ELL: variants seen among roughly 807,000 people sequenced by gnomAD.
ELL encodes the protein elongation factor for RNA polymerase II, also known as RNA polymerase II elongation factor ELL.
In ELL, 18 loss-of-function variants were observed where a neutral mutation model predicts 64.0. The observed-to-expected ratio is 0.28, with a 90% CI of 0.19 to 0.42. The LOEUF is 0.42. Ranked by LOEUF, ELL falls within the 10% of genes least tolerant of loss-of-function variation. The pLI is 1.00. For missense variants in ELL, 797 were observed against 870.4 expected, an observed-to-expected ratio of 0.92 and a Z score of 1.06; for synonymous variants, 399 against 376.2, an observed-to-expected ratio of 1.06 and a Z score of -0.70.
intron 9 of ELL, 77 bp from the exon 10 acceptor site, chr19:18,446,557 C>T: frequency 6.4e-7 from 1 of 1,554,048 alleles, no homozygotes; most frequent in Non-Finnish European, 8.7e-7. Flanking sequence ...ATCCTGGCTC[C>T]ACCGGCGGCC....
At chr19:18,488,184 G>C (rs1029455708) in intron 1 of ELL, among the ~76,000 whole-genome samples, 1 of 152,204 alleles carries the variant, frequency 6.6e-6, no homozygotes, top group Non-Finnish European at 1.5e-5. Context: ...CTCACAAAAG[G>C]ATCGGCCCTG....
rs940922320 is a variant in ELL at position 18,445,419 on chromosome 19, G to T, written c.1705-151C>A. ...AAGTAACACCCCAGGGGCCCACAGCGGCTGTAGCTCCGGAGTGGGTGGGGC... is the reference window on the plus strand; with the variant it reads ...AAGTAACACCCCAGGGGCCCACAGCTGCTGTAGCTCCGGAGTGGGTGGGGC... On this transcript the variant is annotated intron_variant, in intron 10 of 11. Coordinates refer to ENST00000262809, the MANE Select transcript of ELL (RefSeq NM_006532.4). 8 of 803,918 alleles carry T rather than the reference G, an allele frequency of 1.0e-5. No individual in the cohort carries two copies. In the Admixed American group the frequency reaches 1.4e-4, roughly 14 times the overall value. 49.8% of individuals were successfully genotyped at this position (803,918 alleles called of 1,614,324 possible). A position where few individuals can be genotyped will look rare whatever the true frequency, so the allele number is the denominator to read the frequency against.
chr19:18,451,016 T>A (rs1974520239), intron 7 of ELL, 41 bp from the exon 8 acceptor site: 1 of 1,484,268 alleles, frequency 6.7e-7, no homozygotes, highest in African/African-American at 1.4e-5. Context: ...GAGCACAGAG[T>A]GGCTGAGCAG....
chr19:18,450,999 TA>T (rs1974519326), intron 7 of ELL, 24 bp from the exon 8 acceptor site: 1 of 1,507,820 alleles, frequency 6.6e-7, no homozygotes, highest in African/African-American at 1.4e-5. Flanking sequence ...GAGATCATTT[TA>T]GAGGGGAGCA....
At chr19:18,457,787 C>T (rs998978660) in intron 6 of ELL, among the ~76,000 whole-genome samples, 1 of 152,136 alleles carries the variant, frequency 6.6e-6, no homozygotes, top group Non-Finnish European at 1.5e-5. Context: ...CCGGGAGTGT[C>T]GTTTGGCCTT....
intron 3 of ELL, 76 bp downstream of exon 3, chr19:18,465,721 A>AT (rs1974919709): frequency 3.5e-6 from 5 of 1,445,438 alleles, no homozygotes; most frequent in Non-Finnish European, 4.6e-6. Flanking sequence ...AATGGGGCAC[A>AT]TCTCAACCCT....
chr19:18,444,760 A>C lies in ELL; in HGVS notation c.1858T>G (p.Trp620Gly). The change falls in exon 12 of 12, where the codon TGG (tryptophan) becomes GGG (glycine). Residue 620 changes from tryptophan to glycine, a missense_variant. By Grantham distance (184) the Trp-to-Gly change is radical. Transcript: ENST00000262809. ...GCCATCGGGGAGGGCGGCTAGGGCC[A>C]AGCCTGCAGCTGCCGCTGGTCGTAC... is the stretch of plus-strand genomic sequence containing the variant. ...AEYDQRQLQAWP is the reference protein window; with the variant it reads ...AEYDQRQLQAGP 1.2e-6 allele frequency: 2 copies of C among 1,603,788 alleles called. No homozygotes were observed. The highest frequency in any genetic ancestry group is 1.1e-5 in the South Asian group (1 of 90,956).
intron 11 of ELL, 52 bp from the exon 12 acceptor site, chr19:18,444,920 C>G: frequency 6.4e-7 from 1 of 1,554,092 alleles, no homozygotes; most frequent in Non-Finnish European, 8.7e-7. Flanking sequence ...GGTGCTGCTC[C>G]CCGCTGTAAG....
intron 1 of ELL, among the ~76,000 whole-genome samples, chr19:18,489,092 G>A (rs1334642313): frequency 1.3e-5 from 2 of 152,170 alleles, no homozygotes; most frequent in South Asian, 2.1e-4. Context: ...TTTACAGAAC[G>A]TTTTGTCACC....
rs545274267 is a variant in ELL, at chr19:18,490,695, C to T, written c.136-17813G>A. Among the ~76,000 whole-genome samples the T allele has an allele frequency of 3.3e-5, 5 of 152,310 alleles. No homozygotes were observed. In the South Asian group the frequency reaches 1.0e-3, roughly 32 times the overall value. On this transcript the variant is annotated intron_variant, in intron 1 of 11. Coordinates refer to ENST00000262809, the MANE Select transcript of ELL (RefSeq NM_006532.4). ...AGTGACCACGGCCCTCGGAAGGCAT[C>T]CCACCCTCATCAGCCGTGAGCTCTG...
At chr19:18,480,044 T>C (rs1017369316) in intron 1 of ELL, among the ~76,000 whole-genome samples, 4 of 152,192 alleles carry the variant, frequency 2.6e-5, no homozygotes, top group Non-Finnish European at 5.9e-5. Flanking sequence ...CAGAAAGGAA[T>C]GCATCTGTTC....
At chr19:18,480,018 CT>C (rs770061862) in intron 1 of ELL, among the ~76,000 whole-genome samples, 4 of 152,228 alleles carry the variant, frequency 2.6e-5, no homozygotes, top group African/African-American at 4.8e-5. Flanking sequence ...CACCCCACCC[CT>C]GATGCAGGAA....
At chr19:18,503,712 AG>A (rs1473115788) in intron 1 of ELL, among the ~76,000 whole-genome samples, 1 of 152,040 alleles carries the variant, frequency 6.6e-6, no homozygotes, top group Non-Finnish European at 1.5e-5. Context: ...AGCCAGCGGG[AG>A]TGGAGAATGG....
At chr19:18,518,067 A>G (rs1976166479) in intron 1 of ELL, among the ~76,000 whole-genome samples, 1 of 151,976 alleles carries the variant, frequency 6.6e-6, no homozygotes, top group African/African-American at 2.4e-5. Context: ...CTAAAAGTAC[A>G]AAATTTGTAG....
intron 2 of ELL, among the ~76,000 whole-genome samples, chr19:18,468,386 A>C (rs1264380257): frequency 2.0e-5 from 3 of 152,138 alleles, no homozygotes; most frequent in African/African-American, 7.2e-5. Flanking sequence ...TTTTTCACCC[A>C]ACACACACAG....
chr19:18,513,329 C>A (rs1161492892), intron 1 of ELL, among the ~76,000 whole-genome samples: 2 of 152,204 alleles, frequency 1.3e-5, no homozygotes. Context: ...ATCCCCAGAA[C>A]CAAGCATAGT....
At chr19:18,516,026 C>A (rs1303298513) in intron 1 of ELL, among the ~76,000 whole-genome samples, 1 of 152,184 alleles carries the variant, frequency 6.6e-6, no homozygotes, top group Non-Finnish European at 1.5e-5. Context: ...TAAAGAAGGC[C>A]TTCTCTGAAA....
chr19:18,450,357 G>T, intron 8 of ELL, 120 bp downstream of exon 8: 1 of 1,465,238 alleles, frequency 6.8e-7, no homozygotes, highest in Non-Finnish European at 9.1e-7. Flanking sequence ...GGGGCCTGGG[G>T]CAACAGGGTC....
chr19:18,511,906 C>T (rs1431407430), intron 1 of ELL, among the ~76,000 whole-genome samples: 1 of 151,954 alleles, frequency 6.6e-6, no homozygotes, highest in Non-Finnish European at 1.5e-5. Flanking sequence ...CCTGTAATCC[C>T]AGCACTCTGG....
Sources: allele counts gnomAD v4.1 joint callset (sites outside exome capture counted in the v4.1 genomes callset), GRCh38; gene constraint gnomAD v4.1.1; transcripts MANE v1.5; gene names NCBI Gene and HGNC (gene_info 2026-07-23, HGNC 2026-07-21).